The following NR5A2 variants were observed in gnomAD, a reference collection of about 807,000 sequenced individuals.
NR5A2 encodes the protein CYP7A promoter-binding factor.
NR5A2 carries 26 observed loss-of-function variants against 62.7 expected under a neutral mutation model. The observed-to-expected ratio is 0.41, with a 90% CI of 0.30 to 0.58. The LOEUF (loss-of-function observed/expected upper bound fraction) is 0.58. Ranked by LOEUF, NR5A2 falls within the 20% of genes least tolerant of loss-of-function variation. The pLI is 0.22. For synonymous variants in NR5A2, 246 were observed against 241.7 expected (o/e 1.02, Z -0.16); for missense variants, 541 against 669.1 (o/e 0.81, Z 2.11).
At position 200,142,494 on chromosome 1, in the gene NR5A2, C is replaced by G. The variant is rs4915193; in HGVS notation, c.1378+21539C>G. On this transcript the variant is annotated intron_variant, in intron 7 of 7. Coordinates refer to ENST00000367362, the MANE Select transcript of NR5A2 (RefSeq NM_205860.3). Reference sequence around the variant, plus strand: ...TATAGGCGTGAGCCACTGCGCCCAGCCTAAAGACTTCTTTTTTTTAAAAAA... The same window carrying G: ...TATAGGCGTGAGCCACTGCGCCCAGGCTAAAGACTTCTTTTTTTTAAAAAA... Among the ~76,000 whole-genome samples the G allele has an allele frequency of 6.8e-3, 1,025 of 151,660 alleles. 9 individuals are homozygous for G. Among genetic ancestry groups the G allele is most frequent in the Middle Eastern group, 0.024 (7 of 294 alleles).
At chr1:200,098,898 T>C (rs1359782942) in intron 5 of NR5A2, among the ~76,000 whole-genome samples, 1 of 152,202 alleles carries the variant, frequency 6.6e-6, no homozygotes, top group Non-Finnish European at 1.5e-5. Context: ...TTCTACACTA[T>C]CTAGAAATTT....
intron 5 of NR5A2, among the ~76,000 whole-genome samples, chr1:200,051,258 G>T (rs1456366624): frequency 6.6e-6 from 1 of 150,806 alleles, no homozygotes; most frequent in Admixed American, 6.6e-5. Context: ...AACAAGGAAA[G>T]AAATAATGCA....
intron 5 of NR5A2, among the ~76,000 whole-genome samples, chr1:200,101,901 G>A (rs1398142735): frequency 1.3e-5 from 2 of 152,196 alleles, no homozygotes; most frequent in African/African-American, 4.8e-5. Context: ...TAAATTCTGA[G>A]AATGTAGCTA....
chr1:200,099,498 T>C (rs1665264511), intron 5 of NR5A2, among the ~76,000 whole-genome samples: 1 of 152,196 alleles, frequency 6.6e-6, no homozygotes, highest in Non-Finnish European at 1.5e-5. Flanking sequence ...ATTGTGCATC[T>C]ATTTTACAAG....
Position 200,063,123 on chromosome 1 carries a change from A to G in NR5A2, c.1110+14305A>G, listed in dbSNP as rs563910856. Among the ~76,000 whole-genome samples the G allele has an allele frequency of 1.7e-3, 257 of 151,640 alleles. 1 individual carries two copies. Among genetic ancestry groups the G allele is most frequent in the African/African-American group, 5.7e-3 (235 of 41,300 alleles). ...ACTGCAACCCCTGCCTCCCAGGTTC[A>G]AGCAATTCTCCTGCCTCAGCCTCCT... On this transcript the variant is annotated intron_variant, in intron 5 of 7. Coordinates refer to ENST00000367362, the MANE Select transcript of NR5A2 (RefSeq NM_205860.3).
chr1:200,062,277 A>C (rs574868115), intron 5 of NR5A2, among the ~76,000 whole-genome samples: 23 of 114,626 alleles, frequency 2.0e-4, no homozygotes, highest in African/African-American at 7.7e-4. Context: ...CCATGTGTGT[A>C]TCGCAGTGTT....
intron 5 of NR5A2, among the ~76,000 whole-genome samples, chr1:200,094,984 CAAG>C (rs1230776160): frequency 6.6e-6 from 1 of 152,042 alleles, no homozygotes; most frequent in East Asian, 1.9e-4. Flanking sequence ...TTAAACATAA[CAAG>C]AAGACTGGAC....
chr1:200,102,140 A>T (rs1426972212), intron 5 of NR5A2, among the ~76,000 whole-genome samples: 2 of 152,234 alleles, frequency 1.3e-5, no homozygotes, highest in Non-Finnish European at 2.9e-5. Context: ...GGGACTAGGT[A>T]TATCGTGTAT....
At chr1:200,167,090 G>T (rs1653936900) in intron 7 of NR5A2, among the ~76,000 whole-genome samples, 1 of 152,080 alleles carries the variant, frequency 6.6e-6, no homozygotes, top group African/African-American at 2.4e-5. Context: ...TAACTCCTGG[G>T]ATTTCACCCA....
chr1:200,061,575 A>G (rs1329909455), intron 5 of NR5A2, among the ~76,000 whole-genome samples: 1 of 151,984 alleles, frequency 6.6e-6, no homozygotes, highest in East Asian at 1.9e-4. Context: ...ACTGCGCCCG[A>G]CCCGGGATTA....
intron 7 of NR5A2, among the ~76,000 whole-genome samples, chr1:200,171,518 G>A (rs1234695251): frequency 1.3e-5 from 2 of 152,182 alleles, no homozygotes; most frequent in African/African-American, 4.8e-5. Flanking sequence ...GGAGGCCAAG[G>A]TGGGTGGATC....
At chr1:200,060,535 A>T (rs2737646) in intron 5 of NR5A2, among the ~76,000 whole-genome samples, 52,105 of 152,004 alleles carry the variant, frequency 0.34, 10,704 homozygotes, top group African/African-American at 0.58. Flanking sequence ...CAAGGTGAGT[A>T]TGCATGGATC....
At chr1:200,067,511 G>A (rs756020586) in intron 5 of NR5A2, among the ~76,000 whole-genome samples, 4 of 152,156 alleles carry the variant, frequency 2.6e-5, no homozygotes, top group Admixed American at 6.5e-5. Flanking sequence ...AGCTGTGATC[G>A]TGCCATTGCA....
At chr1:200,083,970 TAATAATA>T (rs949754813) in intron 5 of NR5A2, among the ~76,000 whole-genome samples, 25 of 32,940 alleles carry the variant, frequency 7.6e-4, no homozygotes, top group Non-Finnish European at 1.6e-3. Flanking sequence ...CATCTCAAAA[TAATAATA>T]ATAATAATAA....
chr1:200,168,133 G>A (rs1423030042), intron 7 of NR5A2, among the ~76,000 whole-genome samples: 1 of 151,700 alleles, frequency 6.6e-6, no homozygotes, highest in Non-Finnish European at 1.5e-5. Flanking sequence ...AGAATGTTTT[G>A]TAAACTACAA....
intron 5 of NR5A2, among the ~76,000 whole-genome samples, chr1:200,084,457 T>C (rs1280575704): frequency 1.3e-5 from 2 of 152,180 alleles, no homozygotes; most frequent in Non-Finnish European, 2.9e-5. Flanking sequence ...TAATAGTTTT[T>C]TAAAGGTAGA....
In NR5A2 at chr1:200,027,802, A is replaced by G. The variant is rs781510953; in HGVS notation, c.-46A>G. On this transcript the variant is annotated 5_prime_UTR_variant, in exon 1 of 8. An upstream start codon of the reference 5' UTR is lost. Coordinates refer to ENST00000367362, the MANE Select transcript of NR5A2 (RefSeq NM_205860.3). ...ACAAGCTGCACTTTTCTTTTGCTCA[A>G]TGATTTCTGCTTTAAGCCAAAGAAC... is the stretch of plus-strand genomic sequence containing the variant. 4.1e-6 allele frequency: 6 copies of G among 1,462,892 alleles called. No homozygotes were observed. Among genetic ancestry groups the G allele is most frequent in the Admixed American group, 1.9e-5 (1 of 52,760 alleles). The allele number at this position is 1,462,892 out of a possible 1,614,324, so 90.6% of individuals were successfully genotyped here. A position where few individuals can be genotyped will look rare whatever the true frequency, so the allele number is the denominator to read the frequency against.
chr1:200,042,771 G>C, intron 2 of NR5A2: 1 of 979,356 alleles, frequency 1.0e-6, no homozygotes, highest in Non-Finnish European at 1.2e-6. Context: ...GAGTCTCCGG[G>C]AAATACCGGA....
intron 7 of NR5A2, among the ~76,000 whole-genome samples, chr1:200,172,941 AAC>A (rs1341610079): frequency 6.6e-6 from 1 of 152,142 alleles, no homozygotes; most frequent in Non-Finnish European, 1.5e-5. Flanking sequence ...GGTGTATGTA[AAC>A]ACACACACGT....
Sources: gnomAD v4.1 joint callset for allele counts (sites outside exome capture counted in the v4.1 genomes callset) on GRCh38, gnomAD v4.1.1 for gene constraint, MANE v1.5 for transcripts, NCBI Gene and HGNC (gene_info 2026-07-23, HGNC 2026-07-21) for gene names.